LMBR1: variants seen among roughly 807,000 people sequenced by gnomAD.
The protein encoded by LMBR1 is limb region 1 protein homolog.
In LMBR1, 52 loss-of-function variants were observed where a neutral mutation model predicts 73.9. That is an observed-to-expected ratio of 0.70 (90% CI 0.56 to 0.89). The LOEUF is 0.89. Among genes scored for constraint, LMBR1 ranks in the 40% least tolerant of loss-of-function variants. LMBR1 has a pLI of 0.00. For synonymous variants in LMBR1, 215 were observed against 209.4 expected (o/e 1.03, Z -0.23); for missense variants, 539 against 579.8 (o/e 0.93, Z 0.72).
rs1367240830 is a variant in LMBR1 at position 156,705,131 on chromosome 7, A to G, written c.1226-16940T>C. Among the ~76,000 whole-genome samples, 6 of 152,248 alleles carry G rather than the reference A, an allele frequency of 3.9e-5. No individual in the cohort carries two copies. In the South Asian group the frequency reaches 1.0e-3, roughly 26 times the overall value. ...ACTGCACAAAGGACTTCACCACAGC[A>G]TATTATAATCAGATTGTCGAAAGTC... On this transcript the variant is annotated intron_variant, in intron 15 of 16. Transcript: ENST00000353442.
In LMBR1 at chr7:156,679,900, T is replaced by C. The variant is rs1224705546; in HGVS notation, c.*4178A>G. On this transcript the variant is annotated 3_prime_UTR_variant, in exon 17 of 17. Coordinates refer to ENST00000353442, the MANE Select transcript of LMBR1 (RefSeq NM_022458.4). ...ATTATAGTTAACCTTGAAAAAATTT[T>C]TTCCTAATTAAAGAACACAGAATTG... is the stretch of plus-strand genomic sequence containing the variant. The C allele has an allele frequency of 9.2e-5, 14 of 152,238 alleles. No homozygotes were observed. The highest frequency in any genetic ancestry group is 7.9e-4 in the Admixed American group (12 of 15,284). 9.4% of individuals were successfully genotyped at this position (152,238 alleles called of 1,614,324 possible). A position where few individuals can be genotyped will look rare whatever the true frequency, so the allele number is the denominator to read the frequency against.
At chr7:156,855,789 G>A (rs1054015215) in intron 1 of LMBR1, among the ~76,000 whole-genome samples, 3 of 151,974 alleles carry the variant, frequency 2.0e-5, no homozygotes, top group African/African-American at 4.8e-5. Flanking sequence ...ACAAATAGAG[G>A]ATCAAAGATT....
chr7:156,747,399 C>G (rs1820044643), intron 9 of LMBR1, among the ~76,000 whole-genome samples: 1 of 152,082 alleles, frequency 6.6e-6, no homozygotes, highest in African/African-American at 2.4e-5. Flanking sequence ...TTCCCAAAGT[C>G]CAGTATTTAT....
At chr7:156,694,862 T>A (rs1482710123) in intron 15 of LMBR1, among the ~76,000 whole-genome samples, 1 of 152,112 alleles carries the variant, frequency 6.6e-6, no homozygotes, top group African/African-American at 2.4e-5. Context: ...ACAACTTAGA[T>A]GAAATAAACA....
intron 9 of LMBR1, among the ~76,000 whole-genome samples, chr7:156,744,799 T>G (rs999966814): frequency 6.6e-6 from 1 of 152,194 alleles, no homozygotes; most frequent in African/African-American, 2.4e-5. Flanking sequence ...AGTCCTAAAA[T>G]CAAAGTGTTA....
intron 15 of LMBR1, among the ~76,000 whole-genome samples, chr7:156,688,577 G>C (rs969070002): frequency 2.0e-5 from 3 of 151,814 alleles, no homozygotes; most frequent in African/African-American, 7.3e-5. Context: ...CAAGAGTCAC[G>C]ATGAAAAAGA....
downstream of LMBR1, among the ~76,000 whole-genome samples, chr7:156,674,964 G>A (rs1452245666): frequency 6.6e-6 from 1 of 152,150 alleles, no homozygotes; most frequent in African/African-American, 2.4e-5. Flanking sequence ...GCAGGGGAGG[G>A]AAACAATATA....
At position 156,881,621 on chromosome 7, in the gene LMBR1, C is replaced by A. The variant is rs118176383; in HGVS notation, c.66+11307G>T. On this transcript the variant is annotated intron_variant, in intron 1 of 16. Transcript: ENST00000353442. ...CAAAATATCTAAGAAACTCCCACAGCACGAAAGTAAAAACAACTAGTAACT... is the reference window on the plus strand; with the variant it reads ...CAAAATATCTAAGAAACTCCCACAGAACGAAAGTAAAAACAACTAGTAACT... Among the ~76,000 whole-genome samples, 877 of 152,118 alleles carry A rather than the reference C, an allele frequency of 5.8e-3. 3 individuals are homozygous for A. Among genetic ancestry groups the A allele is most frequent in the Non-Finnish European group, 8.5e-3 (576 of 68,014 alleles).
chr7:156,862,209 CACATCTT>C (rs1939173983), intron 1 of LMBR1, among the ~76,000 whole-genome samples: 1 of 152,196 alleles, frequency 6.6e-6, no homozygotes, highest in Admixed American at 6.5e-5. Flanking sequence ...AGGAGCAAGT[CACATCTT>C]ACATGGATGG....
intron 1 of LMBR1, among the ~76,000 whole-genome samples, chr7:156,863,672 C>T (rs1798042079): frequency 6.6e-6 from 1 of 152,144 alleles, no homozygotes; most frequent in Non-Finnish European, 1.5e-5. Context: ...GCTTCCCATC[C>T]TTATCAGAAC....
intron 1 of LMBR1, among the ~76,000 whole-genome samples, chr7:156,850,474 CA>C: frequency 6.6e-6 from 1 of 152,290 alleles, no homozygotes; most frequent in East Asian, 1.9e-4. Context: ...TTGTAACCAC[CA>C]ATCTACTTTC....
chr7:156,763,628 G>A lies in LMBR1; in HGVS notation c.550+41C>T, dbSNP rs11760286. Reference sequence around the variant, plus strand: ...GTGTGTAATTATATCCCAAACTACAGTTTCCAGTAAGGAAACTGGTTAAAA... The same window carrying A: ...GTGTGTAATTATATCCCAAACTACAATTTCCAGTAAGGAAACTGGTTAAAA... On this transcript the variant is annotated intron_variant, in intron 6 of 16. Coordinates refer to ENST00000353442, the MANE Select transcript of LMBR1 (RefSeq NM_022458.4). 71,911 of 1,530,652 alleles carry A rather than the reference G, an allele frequency of 0.047. 1,985 individuals carry two copies. Among genetic ancestry groups the A allele is most frequent in the Admixed American group, 0.058 (2,351 of 40,498 alleles). The allele number at this position is 1,530,652 out of a possible 1,614,324, so 94.8% of individuals were successfully genotyped here.
intron 15 of LMBR1, among the ~76,000 whole-genome samples, chr7:156,701,255 A>C (rs1437675465): frequency 1.4e-5 from 2 of 142,846 alleles, no homozygotes; most frequent in Non-Finnish European, 2.9e-5. Flanking sequence ...ATGACTGTTC[A>C]AGCTGCATTA....
intron 1 of LMBR1, among the ~76,000 whole-genome samples, chr7:156,868,909 G>C (rs1798866821): frequency 6.6e-6 from 1 of 152,158 alleles, no homozygotes. Flanking sequence ...AGGCTGCAGT[G>C]AGCCATGATC....
chr7:156,734,152 A>C, intron 10 of LMBR1, 25 bp downstream of exon 10: 1 of 1,460,442 alleles, frequency 6.8e-7, no homozygotes, highest in Non-Finnish European at 9.4e-7. Flanking sequence ...CCAATACACA[A>C]GTCAAGAAAA....
intron 1 of LMBR1, among the ~76,000 whole-genome samples, chr7:156,853,985 A>C (rs2134109977): frequency 6.6e-6 from 1 of 151,808 alleles, no homozygotes; most frequent in Non-Finnish European, 1.5e-5. Flanking sequence ...AAAAAAAAAA[A>C]ACCACCTATA....
chr7:156,794,644 ACT>A (rs775591659), intron 5 of LMBR1, among the ~76,000 whole-genome samples: 35 of 152,326 alleles, frequency 2.3e-4, no homozygotes, highest in Non-Finnish European at 4.1e-4. Context: ...TTAGGTAGAT[ACT>A]GTTTATAATG....
At chr7:156,807,136 T>G (rs188733965) in intron 4 of LMBR1, among the ~76,000 whole-genome samples, 2 of 152,326 alleles carry the variant, frequency 1.3e-5, no homozygotes, top group Admixed American at 1.3e-4. Context: ...TCGCTAAAAT[T>G]GTATTTAGAA....
intron 10 of LMBR1, among the ~76,000 whole-genome samples, chr7:156,728,971 C>A (rs951686755): frequency 7.9e-5 from 12 of 152,092 alleles, no homozygotes; most frequent in Admixed American, 7.8e-4. Flanking sequence ...ACCCAAGTAG[C>A]TGGGACTACA....
Sources: gnomAD v4.1 joint callset for allele counts (sites outside exome capture counted in the v4.1 genomes callset) on GRCh38, gnomAD v4.1.1 for gene constraint, MANE v1.5 for transcripts, NCBI Gene and HGNC (gene_info 2026-07-23, HGNC 2026-07-21) for gene names.